OPA1: variants seen among roughly 807,000 people sequenced by gnomAD.
OPA1 encodes dynamin-like GTPase OPA1, mitochondrial.
A neutral mutation model predicts 152.9 loss-of-function variants in OPA1; 59 were observed. That is an observed-to-expected ratio of 0.39 (90% CI 0.31 to 0.48). OPA1 has a LOEUF of 0.48. Among genes scored for constraint, OPA1 ranks in the 20% least tolerant of loss-of-function variants. OPA1 has a pLI of 0.96. For missense variants in OPA1, 1,008 were observed against 1,216.8 expected, an observed-to-expected ratio of 0.83 and a Z score of 2.55; for synonymous variants, 400 against 389.9, an observed-to-expected ratio of 1.03 and a Z score of -0.31.
chr3:193,618,246 A>G (rs281806), intron 5 of OPA1, among the ~76,000 whole-genome samples: 21,431 of 152,152 alleles, frequency 0.14, 1,832 homozygotes, highest in East Asian at 0.33. Flanking sequence ...TGGGAGGCCA[A>G]GGCAGGCGGA....
chr3:193,617,828 C>T lies in OPA1; in HGVS notation c.601C>T (p.Leu201Phe), dbSNP rs1729305968. Residue 201 changes from leucine (L) to phenylalanine (F), a missense_variant, in exon 5 of 31, where the codon CTC becomes TTC. This residue lies in a region of OPA1 where 408 missense variants were observed against 395.1 expected (regional missense o/e 1.03). Coordinates refer to ENST00000361510, the MANE Select transcript of OPA1 (RefSeq NM_130837.3). The stretch of plus-strand genomic sequence containing the variant: ...AGTCATAGGAGCTTCTGACCTACTT[C>T]TCTTGTTAGGTGTGTAAACAGACAT... ...SEVIGASDLL[L>F]LLGSPEETAF... 2 of 1,611,636 alleles carry T rather than the reference C, an allele frequency of 1.2e-6. No homozygotes were observed. Among genetic ancestry groups the T allele is most frequent in the Non-Finnish European group, 1.7e-6 (2 of 1,177,956 alleles).
intron 29 of OPA1, among the ~76,000 whole-genome samples, chr3:193,673,393 A>G (rs1210148084): frequency 1.3e-5 from 2 of 152,258 alleles, no homozygotes; most frequent in African/African-American, 2.4e-5. Flanking sequence ...TTCATAGAAC[A>G]TCTGAGTAAA....
chr3:193,629,593 G>T (rs994992810), intron 7 of OPA1, among the ~76,000 whole-genome samples: 11 of 152,016 alleles, frequency 7.2e-5, no homozygotes, highest in Admixed American at 2.0e-4. Flanking sequence ...CCAGCTACTT[G>T]GGAGGCTGAG....
intron 21 of OPA1, among the ~76,000 whole-genome samples, chr3:193,652,536 AAG>A (rs1712766715): frequency 6.6e-6 from 1 of 152,178 alleles, no homozygotes; most frequent in African/African-American, 2.4e-5. Context: ...GATGGTTCAG[AAG>A]AGAGACTGGG....
chr3:193,617,900 T>C (rs944072192), intron 5 of OPA1, 63 bp downstream of exon 5: 24 of 1,214,550 alleles, frequency 2.0e-5, no homozygotes, highest in Non-Finnish European at 2.7e-5. Flanking sequence ...ATAAACTAGT[T>C]GCAAATAAAA....
intron 29 of OPA1, among the ~76,000 whole-genome samples, chr3:193,688,449 CTTTTTTTTTTTTTTTTTTTTTTTTTT>C (rs766448341): frequency 4.4e-4 from 28 of 63,362 alleles, no homozygotes; most frequent in South Asian, 1.2e-3. Context: ...TGGGTCTTTT[CTTTTTTTTTTTTTTTTTTTTTTTTTT>C]TTTTTTTTTT....
chr3:193,596,422 T>TTTCTTTTCTTC (rs1725606025), intron 1 of OPA1, among the ~76,000 whole-genome samples: 1 of 150,004 alleles, frequency 6.7e-6, no homozygotes. Context: ...TTTCTTTTCT[T>TTTCTTTTCTTC]TCACACAGGA....
rs1226801097 is a variant in OPA1, at chr3:193,695,312, G to T, written c.*712G>T. The T allele has an allele frequency of 6.6e-6, 1 of 152,092 alleles. No individual in the cohort carries two copies. The highest frequency in any genetic ancestry group is 1.5e-5 in the Non-Finnish European group (1 of 68,000). The allele number at this position is 152,092 out of a possible 1,614,324, so 9.4% of individuals were successfully genotyped here. On this transcript the variant is annotated 3_prime_UTR_variant, in exon 31 of 31. Coordinates refer to ENST00000361510, the MANE Select transcript of OPA1 (RefSeq NM_130837.3). ...TCACTCTCTATATCCATTTGAAATT[G>T]ATTTATTTTAGATGTTGTATACTTA...
chr3:193,643,321 A>G (rs200567803), intron 13 of OPA1, 52 bp from the exon 14 acceptor site: 233 of 1,459,026 alleles, frequency 1.6e-4, no homozygotes, highest in Non-Finnish European at 2.2e-4. Flanking sequence ...AAAATTCTTG[A>G]CAAATTCCCC....
intron 29 of OPA1, among the ~76,000 whole-genome samples, chr3:193,676,791 T>A (rs71316212): frequency 6.6e-6 from 1 of 151,912 alleles, no homozygotes; most frequent in Non-Finnish European, 1.5e-5. Flanking sequence ...CCATCCTGGC[T>A]AACACAGTGA....
At chr3:193,644,369 G>A (rs1268958355) in intron 16 of OPA1, among the ~76,000 whole-genome samples, 1 of 152,118 alleles carries the variant, frequency 6.6e-6, no homozygotes, top group Non-Finnish European at 1.5e-5. Context: ...CAAGCTGCTT[G>A]TTAGAGACTC....
At chr3:193,675,688 CT>C (rs1718852695) in intron 29 of OPA1, among the ~76,000 whole-genome samples, 2 of 152,156 alleles carry the variant, frequency 1.3e-5, no homozygotes, top group Admixed American at 6.5e-5. Flanking sequence ...CTATAGGCAA[CT>C]GTAAATCAAT....
intron 1 of OPA1, among the ~76,000 whole-genome samples, chr3:193,604,111 T>C (rs971027852): frequency 2.3e-4 from 35 of 152,216 alleles, no homozygotes; most frequent in African/African-American, 8.4e-4. Flanking sequence ...ATGAAGCTTC[T>C]ACCAGCTTGG....
chr3:193,657,031 T>G (rs771276918), intron 22 of OPA1, 49 bp from the exon 23 acceptor site: 1 of 1,493,262 alleles, frequency 6.7e-7, no homozygotes, highest in South Asian at 1.2e-5. Context: ...ATGTTAACCA[T>G]TGAAGTATGT....
rs566171550 is a variant in OPA1 at position 193,595,482 on chromosome 3, A to G, written c.32+2073A>G. Among the ~76,000 whole-genome samples the G allele has an allele frequency of 8.5e-5, 13 of 152,358 alleles. No individual in the cohort carries two copies. The East Asian group carries it at 1.9e-3, about 23-fold the overall frequency. ...TAGTTTTGACTGAATATTGAAGTCT[A>G]TATTCAAAATTCTTTTCCTTTAGAA... On this transcript the variant is annotated intron_variant, in intron 1 of 30. Coordinates refer to ENST00000361510, the MANE Select transcript of OPA1 (RefSeq NM_130837.3).
At chr3:193,620,449 T>G (rs1729851311) in intron 6 of OPA1, among the ~76,000 whole-genome samples, 1 of 152,214 alleles carries the variant, frequency 6.6e-6, no homozygotes, top group South Asian at 2.1e-4. Flanking sequence ...TTAATTATAT[T>G]TACAGATTTT....
At chr3:193,685,029 C>T (rs199548876) in intron 29 of OPA1, among the ~76,000 whole-genome samples, 1 of 151,912 alleles carries the variant, frequency 6.6e-6, no homozygotes, top group Admixed American at 6.6e-5. Flanking sequence ...TGACCAGGCG[C>T]GGTGGTTCAC....
chr3:193,655,142 C>A lies in OPA1; in HGVS notation c.2178+115C>A. On this transcript the variant is annotated intron_variant, in intron 22 of 30. Coordinates refer to ENST00000361510, the MANE Select transcript of OPA1 (RefSeq NM_130837.3). Reference sequence around the variant, plus strand: ...CTATCTTTCTTTTAGGTCTTTATATCTCATTTATTCTTTATTCCTCATCTC... The same window carrying A: ...CTATCTTTCTTTTAGGTCTTTATATATCATTTATTCTTTATTCCTCATCTC... 3.3e-6 allele frequency: 3 copies of A among 902,112 alleles called. No individual in the cohort carries two copies. The South Asian group carries it at 4.6e-5, about 14-fold the overall frequency. 55.9% of individuals were successfully genotyped at this position (902,112 alleles called of 1,614,324 possible).
At chr3:193,620,942 A>G (rs1397735036) in intron 6 of OPA1, among the ~76,000 whole-genome samples, 1 of 152,212 alleles carries the variant, frequency 6.6e-6, no homozygotes, top group Admixed American at 6.5e-5. Context: ...CCTTTTTGAA[A>G]TCACTCTGAC....
Sources: gnomAD v4.1 joint callset for allele counts (sites outside exome capture counted in the v4.1 genomes callset) on GRCh38, gnomAD v4.1.1 for gene constraint, gnomAD v4.1.1 regional missense constraint, MANE v1.5 for transcripts, NCBI Gene and HGNC (gene_info 2026-07-23, HGNC 2026-07-21) for gene names.